Variants in PHEX observed in about 807,000 individuals in gnomAD.
PHEX encodes phosphate-regulating neutral endopeptidase PHEX.
A neutral mutation model predicts 68.0 loss-of-function variants in PHEX; 16 were observed. The observed-to-expected ratio is 0.24, with a 90% CI of 0.16 to 0.36. The LOEUF (loss-of-function observed/expected upper bound fraction) is 0.36. PHEX is among the 10% of genes least tolerant of loss of function. The pLI is 1.00. For synonymous variants in PHEX, 208 were observed against 205.1 expected, an observed-to-expected ratio of 1.01 and a Z score of -0.12; for missense variants, 480 against 575.5, an observed-to-expected ratio of 0.83 and a Z score of 1.70.
chrX:22,093,215 G>T (rs748785954), intron 6 of PHEX, among the ~76,000 whole-genome samples: 12 of 111,820 alleles, frequency 1.1e-4, no homozygotes, highest in African/African-American at 3.9e-4. Context: ...ATGAGAAGGA[G>T]GTCATTTAAT....
intron 12 of PHEX, among the ~76,000 whole-genome samples, chrX:22,134,436 C>G (rs760342124): frequency 9.0e-6 from 1 of 111,724 alleles, no homozygotes; most frequent in African/African-American, 3.2e-5. Flanking sequence ...GCTAAAAATA[C>G]AAAAAAATTA....
chrX:22,058,980 T>G (rs965192113), intron 3 of PHEX, among the ~76,000 whole-genome samples: 5 of 111,580 alleles, frequency 4.5e-5, no homozygotes, highest in South Asian at 3.8e-4. Context: ...AATTTTTATA[T>G]TTTTAGTAGA....
chrX:22,097,038 G>T lies in PHEX; in HGVS notation c.933G>T (p.Gln311His). 2 of 1,171,775 alleles carry T rather than the reference G, an allele frequency of 1.7e-6. No homozygotes were observed. Among genetic ancestry groups the T allele is most frequent in the Non-Finnish European group, 2.3e-6 (2 of 858,957 alleles). ...CTGAACTGAGTGCTATGATTCCCCA[G>T]GTTGGTGAAAACTATCCAGAAAACT... ...NISELSAMIP[Q>H]FDWLGYIKKV... is the part of the protein sequence containing the mutation. Residue 311 changes from glutamine to histidine, a missense_variant and splice_region_variant, in exon 8 of 22, where the codon CAG (glutamine) becomes CAT (histidine). Gln to His is a conservative substitution (Grantham distance 24). Transcript: ENST00000379374.
intron 10 of PHEX, among the ~76,000 whole-genome samples, chrX:22,112,806 G>C (rs1222527933): frequency 9.0e-6 from 1 of 110,608 alleles, no homozygotes; most frequent in Non-Finnish European, 1.9e-5. Context: ...GGGGGGCTGA[G>C]GCAGGAGAAT....
In PHEX at chrX:22,227,172, G is replaced by A. The variant is rs751780772; in HGVS notation, c.1966-335G>A. 4.5e-5 allele frequency among the ~76,000 whole-genome samples: 5 copies of A among 112,270 alleles called. No homozygotes were observed. In the East Asian group the frequency reaches 8.4e-4, roughly 19 times the overall value. ...GTCAAAATGAAAAAAGGTAATATGC[G>A]GACCCCAAAATGTATTGCCATAGGG... is the stretch of plus-strand genomic sequence containing the variant. On this transcript the variant is annotated intron_variant, in intron 19 of 21. Transcript: ENST00000379374.
intron 5 of PHEX, among the ~76,000 whole-genome samples, chrX:22,083,013 G>A (rs749438468): frequency 1.8e-5 from 2 of 111,669 alleles, no homozygotes; most frequent in South Asian, 3.7e-4. Context: ...CGGATACATA[G>A]ATCAATGGAA....
At chrX:22,145,287 C>T (rs1932642670) in intron 12 of PHEX, among the ~76,000 whole-genome samples, 1 of 112,043 alleles carries the variant, frequency 8.9e-6, no homozygotes, top group Admixed American at 9.4e-5. Flanking sequence ...ATCAGACTCT[C>T]TGGGAGTGGG....
In PHEX at chrX:22,205,802, TTAAAA is replaced by T. The variant is rs752109079; in HGVS notation, c.1646-7100_1646-7096del. Among the ~76,000 whole-genome samples the T allele has an allele frequency of 3.1e-3, 350 of 111,750 alleles. 2 individuals carry two copies. Among genetic ancestry groups the T allele is most frequent in the African/African-American group, 0.011 (334 of 30,931 alleles). On this transcript the variant is annotated intron_variant, in intron 15 of 21. Coordinates refer to ENST00000379374, the MANE Select transcript of PHEX (RefSeq NM_000444.6). The stretch of plus-strand genomic sequence containing the variant: ...AACCATACACTTATGAATATGGAAC[TTAAAA>T]TTAATGCTGCAGTAAAGTGAACGCA...
At chrX:22,230,423 T>C (rs1439557084) in intron 20 of PHEX, among the ~76,000 whole-genome samples, 1 of 103,678 alleles carries the variant, frequency 9.6e-6, no homozygotes, top group African/African-American at 3.6e-5. Context: ...GGAATGTTTT[T>C]CCATTGGTTT....
intron 3 of PHEX, among the ~76,000 whole-genome samples, chrX:22,055,032 G>A (rs752916871): frequency 4.6e-5 from 5 of 107,605 alleles, no homozygotes; most frequent in Non-Finnish European, 7.7e-5. Context: ...AAAATTAGCT[G>A]TGCATGGTGG....
chrX:22,183,378 T>G (rs936110919), intron 14 of PHEX, among the ~76,000 whole-genome samples: 17 of 111,424 alleles, frequency 1.5e-4, no homozygotes, highest in African/African-American at 5.5e-4. Flanking sequence ...TAAAGCTGAA[T>G]CTCTCCCCTA....
rs1927576811 is a variant in PHEX at position 22,047,134 on chromosome X, A to G, written c.272A>G (p.Asn91Ser). The G allele has an allele frequency of 4.1e-6, 5 of 1,205,653 alleles. No homozygotes were observed. The East Asian group carries it at 8.9e-5, about 21-fold the overall frequency. Residue 91 changes from asparagine to serine, a missense_variant, in exon 3 of 22, where the codon AAT (asparagine) becomes AGT (serine). By Grantham distance (46) the Asn-to-Ser change is conservative (BLOSUM62 1). Transcript: ENST00000379374. ...TTCGCTTGTGATGGCTGGATAAGCAATAATCCAATTCCCGAAGATATGCCA... is the reference window on the plus strand; with the variant it reads ...TTCGCTTGTGATGGCTGGATAAGCAGTAATCCAATTCCCGAAGATATGCCA... ...FRFACDGWIS[N>S]NPIPEDMPSY...
intron 15 of PHEX, among the ~76,000 whole-genome samples, chrX:22,197,196 T>G (rs950021730): frequency 5.4e-5 from 6 of 111,284 alleles, no homozygotes; most frequent in Admixed American, 1.9e-4. Context: ...CTAAAAGAGA[T>G]CCTGACACTC....
At chrX:22,094,595 A>G (rs1930053167) in intron 7 of PHEX, among the ~76,000 whole-genome samples, 1 of 112,536 alleles carries the variant, frequency 8.9e-6, no homozygotes, top group African/African-American at 3.2e-5. Flanking sequence ...AAAAGTTGGT[A>G]TAGAAATAGG....
chrX:22,078,779 C>T (rs1326191184), intron 5 of PHEX, among the ~76,000 whole-genome samples: 2 of 111,757 alleles, frequency 1.8e-5, no homozygotes, highest in African/African-American at 3.3e-5. Flanking sequence ...GGCTGTATGG[C>T]GGGCTGGCCC....
chrX:22,217,450 G>GACAA (rs774516070), intron 16 of PHEX, among the ~76,000 whole-genome samples: 3 of 112,193 alleles, frequency 2.7e-5, no homozygotes, highest in Non-Finnish European at 5.6e-5. Flanking sequence ...GTGTAGTTGA[G>GACAA]ACAAACAGTT....
chrX:22,117,028 T>C (rs190275464), intron 11 of PHEX, among the ~76,000 whole-genome samples: 1 of 112,166 alleles, frequency 8.9e-6, no homozygotes, highest in Admixed American at 9.5e-5. Context: ...CCTCAGTACC[T>C]AGACCCATTT....
intron 7 of PHEX, among the ~76,000 whole-genome samples, chrX:22,096,574 C>T (rs943510373): frequency 3.6e-5 from 4 of 111,883 alleles, no homozygotes; most frequent in African/African-American, 1.3e-4. Flanking sequence ...AAGGGATGGT[C>T]TGTGGTTCAT....
At chrX:22,103,939 C>G (rs1930547078) in intron 9 of PHEX, among the ~76,000 whole-genome samples, 1 of 111,868 alleles carries the variant, frequency 8.9e-6, no homozygotes, top group Non-Finnish European at 1.9e-5. Flanking sequence ...AAAAGTGTTC[C>G]CTTTTCACCA....
Sources: gnomAD v4.1 joint callset for allele counts (sites outside exome capture counted in the v4.1 genomes callset) on GRCh38, gnomAD v4.1.1 for gene constraint, MANE v1.5 for transcripts, NCBI Gene and HGNC (gene_info 2026-07-23, HGNC 2026-07-21) for gene names.